AQR: variants seen among roughly 807,000 people sequenced by gnomAD.
AQR encodes aquarius intron-binding spliceosomal factor, also known as RNA helicase aquarius.
Under a neutral mutation model 180.5 loss-of-function variants are expected in AQR, and 61 were observed. That is an observed-to-expected ratio of 0.34 (90% CI 0.28 to 0.42). The LOEUF (loss-of-function observed/expected upper bound fraction) is 0.42. Among genes scored for constraint, AQR ranks in the 10% least tolerant of loss-of-function variants. The pLI is 1.00. For missense variants in AQR, 1,281 were observed against 1,798.3 expected, an observed-to-expected ratio of 0.71 and a Z score of 5.20; for synonymous variants, 551 against 588.8, an observed-to-expected ratio of 0.94 and a Z score of 0.93.
chr15:34,937,552 CCTATAGAG>C (rs1302718329), intron 9 of AQR, among the ~76,000 whole-genome samples: 1 of 151,960 alleles, frequency 6.6e-6, no homozygotes, highest in Non-Finnish European at 1.5e-5. Context: ...ATATGGTATA[CCTATAGAG>C]CTGTTCTTAG....
chr15:34,901,834 G>T (rs993684651), intron 19 of AQR, among the ~76,000 whole-genome samples: 4 of 152,138 alleles, frequency 2.6e-5, no homozygotes, highest in Non-Finnish European at 5.9e-5. Flanking sequence ...CAAGAGTAGG[G>T]ATCTAGAACA....
intron 9 of AQR, 81 bp downstream of exon 9, chr15:34,938,656 T>C: frequency 2.2e-6 from 2 of 897,446 alleles, no homozygotes; most frequent in Non-Finnish European, 3.5e-6. Flanking sequence ...CCAAGAACAG[T>C]TTTTAGATTA....
chr15:34,886,251 G>T (rs990945724), intron 25 of AQR, among the ~76,000 whole-genome samples: 22 of 152,032 alleles, frequency 1.4e-4, no homozygotes, highest in African/African-American at 5.3e-4. Flanking sequence ...AAAGAAAAAA[G>T]AGTGACTAGA....
chr15:34,922,169 T>G (rs976544864), intron 13 of AQR, among the ~76,000 whole-genome samples: 3 of 152,148 alleles, frequency 2.0e-5, no homozygotes, highest in African/African-American at 4.8e-5. Flanking sequence ...TTTGAGCATT[T>G]GAGATTCACC....
intron 9 of AQR, 35 bp from the exon 10 acceptor site, chr15:34,934,670 T>C: frequency 1.4e-6 from 2 of 1,433,310 alleles, no homozygotes; most frequent in Non-Finnish European, 1.9e-6. Flanking sequence ...TAGAATTTCC[T>C]TACTAGGCCA....
chr15:34,967,653 G>A (rs1397663310), intron 1 of AQR, among the ~76,000 whole-genome samples: 1 of 152,102 alleles, frequency 6.6e-6, no homozygotes, highest in Admixed American at 6.5e-5. Flanking sequence ...AGATAGCATG[G>A]CACATTCAAA....
At chr15:34,945,626 T>C (rs1307165661) in intron 5 of AQR, among the ~76,000 whole-genome samples, 1 of 152,186 alleles carries the variant, frequency 6.6e-6, no homozygotes, top group Non-Finnish European at 1.5e-5. Flanking sequence ...CTAGGCTCTC[T>C]TGATAGTGAC....
intron 5 of AQR, among the ~76,000 whole-genome samples, chr15:34,946,840 T>A: frequency 7.3e-6 from 1 of 137,620 alleles, no homozygotes; most frequent in African/African-American, 2.8e-5. Flanking sequence ...TACTGGGAAG[T>A]GAGGAGCCCC....
rs774760289 is a variant in AQR, at chr15:34,870,877, A to T, written c.3643T>A (p.Cys1215Ser). Residue 1215 changes from cysteine to serine, a missense_variant, in exon 31 of 35, where the codon TGT becomes AGT. Coordinates refer to ENST00000156471, the MANE Select transcript of AQR (RefSeq NM_014691.3). ...EYVVALFMYMCLLGYPADKIS... is the reference protein window; with the variant it reads ...EYVVALFMYMSLLGYPADKIS... ...TTGTCAGCAGGGTAACCAAGTAAAC[A>T]CATGTACATAAAAAGTGCTACTACA... The T allele has an allele frequency of 2.5e-6, 4 of 1,613,230 alleles. No homozygotes were observed. Among genetic ancestry groups the T allele is most frequent in the Non-Finnish European group, 3.4e-6 (4 of 1,179,602 alleles).
intron 13 of AQR, among the ~76,000 whole-genome samples, chr15:34,924,295 G>A (rs1172089092): frequency 1.3e-5 from 2 of 152,146 alleles, no homozygotes; most frequent in African/African-American, 4.8e-5. Context: ...AAGGAGATCT[G>A]CAAATCTGTC....
chr15:34,911,008 A>C (rs1049799615), intron 16 of AQR, among the ~76,000 whole-genome samples: 3 of 152,154 alleles, frequency 2.0e-5, no homozygotes, highest in Non-Finnish European at 4.4e-5. Context: ...TTTAGATTCC[A>C]TATGTAAAGT....
chr15:34,886,052 T>C (rs952103342), intron 25 of AQR, among the ~76,000 whole-genome samples: 1 of 152,194 alleles, frequency 6.6e-6, no homozygotes, highest in Non-Finnish European at 1.5e-5. Context: ...TACATCTTTA[T>C]GTTGAAGTCA....
chr15:34,931,789 G>A (rs931407932), intron 11 of AQR, among the ~76,000 whole-genome samples: 3 of 152,118 alleles, frequency 2.0e-5, no homozygotes, highest in South Asian at 2.1e-4. Context: ...ACTCCAGCCC[G>A]GGTGACAGAG....
chr15:34,926,210 T>G (rs1215582379), intron 13 of AQR, among the ~76,000 whole-genome samples: 4 of 152,050 alleles, frequency 2.6e-5, no homozygotes, highest in African/African-American at 4.8e-5. Flanking sequence ...AGTATGCTGG[T>G]CCTGTTTAAT....
chr15:34,955,852 T>A (rs575267927), intron 3 of AQR, among the ~76,000 whole-genome samples: 1 of 146,100 alleles, frequency 6.8e-6, no homozygotes, highest in Non-Finnish European at 1.5e-5. Flanking sequence ...GAGGTTGCAG[T>A]GAGCCGAGAT....
At position 34,938,899 on chromosome 15, in the gene AQR, A is replaced by G. The variant is rs991466207; in HGVS notation, c.642-86T>C. On this transcript the variant is annotated intron_variant, in intron 8 of 34. Coordinates refer to ENST00000156471, the MANE Select transcript of AQR (RefSeq NM_014691.3). ...TTTAAATGTTGACCACGGCTTTCCA[A>G]TATTGTTCAACTGTTCATTTCTTTG... 1.8e-5 allele frequency: 17 copies of G among 941,296 alleles called. No homozygotes were observed. In the African/African-American group the frequency reaches 2.6e-4, roughly 14 times the overall value. 58.3% of individuals were successfully genotyped at this position (941,296 alleles called of 1,614,324 possible). A position where few individuals can be genotyped will look rare whatever the true frequency, so the allele number is the denominator to read the frequency against.
chr15:34,892,088 C>G (rs1387416946), intron 23 of AQR, among the ~76,000 whole-genome samples: 1 of 152,150 alleles, frequency 6.6e-6, no homozygotes, highest in Non-Finnish European at 1.5e-5. Context: ...GAAGTCACCA[C>G]TGTTAACATA....
At chr15:34,912,963 C>T (rs1270404046) in intron 16 of AQR, among the ~76,000 whole-genome samples, 1 of 152,142 alleles carries the variant, frequency 6.6e-6, no homozygotes. Context: ...GGGACAATGT[C>T]TAAAAGGAAT....
At chr15:34,965,118 G>C (rs572742954) in intron 1 of AQR, among the ~76,000 whole-genome samples, 1 of 152,246 alleles carries the variant, frequency 6.6e-6, no homozygotes, top group East Asian at 1.9e-4. Context: ...AACACTACCT[G>C]ATGGTGACAA....
Sources: allele counts gnomAD v4.1 joint callset (sites outside exome capture counted in the v4.1 genomes callset), GRCh38; gene constraint gnomAD v4.1.1; transcripts MANE v1.5; gene names NCBI Gene and HGNC (gene_info 2026-07-23, HGNC 2026-07-21).